The following RBFOX1 variants were observed in gnomAD, a reference collection of about 807,000 sequenced individuals.
RBFOX1 encodes the protein RNA binding fox-1 homolog 1.
RBFOX1 carries 8 observed loss-of-function variants against 57.7 expected under a neutral mutation model. The observed-to-expected ratio is 0.14, with a 90% CI of 0.08 to 0.25. The LOEUF is 0.25. Ranked by LOEUF, RBFOX1 falls within the 10% of genes least tolerant of loss-of-function variation. The probability of loss-of-function intolerance (pLI) is 1.00; values close to 1 mark genes in which losing one functional copy is unlikely to be tolerated. For missense variants in RBFOX1, 611 were observed against 548.5 expected (o/e 1.11, Z -1.14); for synonymous variants, 326 against 222.4 (o/e 1.47, Z -4.15).
intron 4 of RBFOX1, among the ~76,000 whole-genome samples, chr16:7,447,918 T>A (rs769005038): frequency 6.6e-6 from 1 of 152,246 alleles, no homozygotes; most frequent in Non-Finnish European, 1.5e-5. Context: ...CCAACAGGCA[T>A]CTGCGTTAAA....
intron 2 of RBFOX1, among the ~76,000 whole-genome samples, chr16:6,370,710 C>T (rs1322771749): frequency 1.3e-5 from 2 of 152,118 alleles, no homozygotes; most frequent in Admixed American, 6.5e-5. Flanking sequence ...TGATGTTTAA[C>T]GGGTATAGAA....
chr16:7,494,312 C>A (rs1045706746), intron 4 of RBFOX1, among the ~76,000 whole-genome samples: 79 of 152,224 alleles, frequency 5.2e-4, no homozygotes, highest in African/African-American at 1.8e-3. Context: ...TTTAAAGGCG[C>A]CCTTTGGGGA....
At chr16:6,736,196 A>T (rs62017576) in intron 3 of RBFOX1, among the ~76,000 whole-genome samples, 2 of 151,992 alleles carry the variant, frequency 1.3e-5, no homozygotes, top group Admixed American at 6.6e-5. Context: ...TTATTTTTCC[A>T]TAAGTTATTG....
intron 4 of RBFOX1, among the ~76,000 whole-genome samples, chr16:5,953,727 A>ATATATATATATATAT (rs369925781): frequency 8.1e-4 from 88 of 109,018 alleles, no homozygotes; most frequent in Non-Finnish European, 1.2e-3. Context: ...TATATATATA[A>ATATATATATATATAT]AAAACACATT....
rs138815444 is a variant in RBFOX1, at chr16:5,786,961, C to T, written c.319-80342C>T. The stretch of plus-strand genomic sequence containing the variant: ...GACCAGCCTGGCCAACATGGTGAAA[C>T]CCCATCTCTACTAAAAACACAAAGA... On this transcript the variant is annotated intron_variant, in intron 3 of 19. Transcript: ENST00000641259. Among the ~76,000 whole-genome samples the T allele has an allele frequency of 6.7e-3, 1,026 of 152,216 alleles. 14 individuals are homozygous for T. Among genetic ancestry groups the T allele is most frequent in the African/African-American group, 0.024 (980 of 41,536 alleles).
At chr16:6,021,095 G>T (rs1596442049) in intron 1 of RBFOX1, among the ~76,000 whole-genome samples, 1 of 152,340 alleles carries the variant, frequency 6.6e-6, no homozygotes, top group East Asian at 1.9e-4. Context: ...CCCCAAAGGC[G>T]GATCTTTTCA....
chr16:7,572,510 G>A (rs35256470), intron 5 of RBFOX1, among the ~76,000 whole-genome samples: 4 of 151,856 alleles, frequency 2.6e-5, no homozygotes, highest in Non-Finnish European at 5.9e-5. Flanking sequence ...TGATGCTGTT[G>A]AACATTCTGC....
At chr16:6,975,060 A>C (rs914422845) in intron 3 of RBFOX1, among the ~76,000 whole-genome samples, 20 of 152,202 alleles carry the variant, frequency 1.3e-4, no homozygotes, top group Admixed American at 7.9e-4. Flanking sequence ...GTTTAAAAAT[A>C]TATGGCAGAA....
At chr16:5,772,282 CAG>C (rs2054005713) in intron 3 of RBFOX1, among the ~76,000 whole-genome samples, 1 of 152,166 alleles carries the variant, frequency 6.6e-6, no homozygotes, top group Non-Finnish European at 1.5e-5. Context: ...GGAAAACAGC[CAG>C]ACTTACTGGC....
At chr16:7,347,248 C>T (rs1235862861) in intron 4 of RBFOX1, among the ~76,000 whole-genome samples, 2 of 152,162 alleles carry the variant, frequency 1.3e-5, no homozygotes, top group African/African-American at 2.4e-5. Flanking sequence ...ATACCGGAGA[C>T]TGGGCAATTT....
chr16:6,736,661 C>T (rs1385928201), intron 3 of RBFOX1, among the ~76,000 whole-genome samples: 1 of 152,146 alleles, frequency 6.6e-6, no homozygotes, highest in Non-Finnish European at 1.5e-5. Context: ...ATCTTTTCAT[C>T]TGGGTAGATA....
chr16:7,436,735 A>G (rs952717422), intron 4 of RBFOX1, among the ~76,000 whole-genome samples: 2 of 152,122 alleles, frequency 1.3e-5, no homozygotes, highest in African/African-American at 2.4e-5. Context: ...CTAGAAAATT[A>G]TTTGGTCTCC....
intron 1 of RBFOX1, among the ~76,000 whole-genome samples, chr16:6,053,723 G>A (rs534154637): frequency 9.2e-5 from 14 of 152,242 alleles, no homozygotes; most frequent in African/African-American, 2.9e-4. Context: ...GGCATTTCCA[G>A]TGTCTTAGTC....
At chr16:6,684,895 C>T (rs2059195951) in intron 3 of RBFOX1, among the ~76,000 whole-genome samples, 1 of 152,162 alleles carries the variant, frequency 6.6e-6, no homozygotes, top group African/African-American at 2.4e-5. Context: ...GTTCTCTATA[C>T]ATACGAAGTC....
At position 6,450,779 on chromosome 16, in the gene RBFOX1, A is replaced by G. The variant is rs1178065882; in HGVS notation, c.-64+133722A>G. 6.7e-5 allele frequency among the ~76,000 whole-genome samples: 4 copies of G among 59,668 alleles called. 1 individual carries two copies. Among genetic ancestry groups the G allele is most frequent in the Non-Finnish European group, 1.2e-4 (4 of 34,696 alleles). The allele number at this position is 59,668 out of a possible 152,430, so 39.1% of individuals were successfully genotyped here. A position where few individuals can be genotyped will look rare whatever the true frequency, so the allele number is the denominator to read the frequency against. ...CATATATATATGTGTATATATATAT[A>G]TATATATATACATATATATATGTAT... is the stretch of plus-strand genomic sequence containing the variant. On this transcript the variant is annotated intron_variant, in intron 2 of 15. Coordinates refer to ENST00000550418, the MANE Select transcript of RBFOX1 (RefSeq NM_018723.4).
chr16:7,368,744 C>T (rs1195389008), intron 4 of RBFOX1, among the ~76,000 whole-genome samples: 2 of 148,430 alleles, frequency 1.3e-5, no homozygotes, highest in Middle Eastern at 3.4e-3. Context: ...CACGCCCCTG[C>T]ACTCCAGCCT....
chr16:6,483,827 T>G, intron 2 of RBFOX1: 3 of 1,287,222 alleles, frequency 2.3e-6, no homozygotes, highest in Non-Finnish European at 9.9e-7. Flanking sequence ...CTGATTAGAA[T>G]AGGGGACTTG....
intron 3 of RBFOX1, among the ~76,000 whole-genome samples, chr16:6,967,748 C>T (rs1488172151): frequency 6.6e-6 from 1 of 152,012 alleles, no homozygotes; most frequent in African/African-American, 2.4e-5. Flanking sequence ...TGCCCATCTG[C>T]CCGTGCAGCT....
intron 5 of RBFOX1, among the ~76,000 whole-genome samples, chr16:7,556,427 C>G (rs1418053977): frequency 6.6e-6 from 1 of 152,112 alleles, no homozygotes; most frequent in Non-Finnish European, 1.5e-5. Context: ...ATGATGGTAC[C>G]CAAGATAAAT....
Sources: allele counts gnomAD v4.1 joint callset (sites outside exome capture counted in the v4.1 genomes callset), GRCh38; gene constraint gnomAD v4.1.1; transcripts MANE v1.5; gene names NCBI Gene and HGNC (gene_info 2026-07-23, HGNC 2026-07-21).